LRP1B: variants seen among roughly 807,000 people sequenced by gnomAD.
LRP1B encodes the protein low-density lipoprotein receptor-related protein 1B.
Under a neutral mutation model 556.6 loss-of-function variants are expected in LRP1B, and 217 were observed. The ratio of observed to expected loss-of-function variants is 0.39; its 90% CI spans 0.35 to 0.44. The LOEUF is 0.44. Ranked by LOEUF, LRP1B falls within the 20% of genes least tolerant of loss-of-function variation. The pLI is 1.00. For missense variants in LRP1B, 5,053 were observed against 5,620.8 expected (o/e 0.90, Z 3.23); for synonymous variants, 2,047 against 1,865.8 (o/e 1.10, Z -2.50).
chr2:141,747,529 C>T (rs896124282), intron 2 of LRP1B, among the ~76,000 whole-genome samples: 34 of 152,092 alleles, frequency 2.2e-4, no homozygotes, highest in African/African-American at 1.4e-4. Context: ...CCTAGCTACT[C>T]AGGAGGCTGA....
intron 27 of LRP1B, among the ~76,000 whole-genome samples, chr2:140,852,388 A>G (rs577188472): frequency 6.6e-6 from 1 of 152,350 alleles, no homozygotes; most frequent in South Asian, 2.1e-4. Context: ...AGGAGCAACC[A>G]GGAATAATTA....
At chr2:140,723,208 G>A (rs929125554) in intron 35 of LRP1B, among the ~76,000 whole-genome samples, 1 of 152,100 alleles carries the variant, frequency 6.6e-6, no homozygotes, top group South Asian at 2.1e-4. Context: ...TTTTGGGTCA[G>A]TTCTCATGAA....
intron 1 of LRP1B, among the ~76,000 whole-genome samples, chr2:141,962,713 G>T (rs1001829459): frequency 1.3e-5 from 2 of 151,790 alleles, no homozygotes; most frequent in African/African-American, 2.4e-5. Context: ...AGCTGTAAAA[G>T]TATCTAATAA....
rs977321974 is a variant in LRP1B, at chr2:140,503,097, C to G, written c.8528G>C (p.Arg2843Pro). 1 of 1,612,622 alleles carries G rather than the reference C, an allele frequency of 6.2e-7. No individual in the cohort carries two copies. Among genetic ancestry groups the G allele is most frequent in the African/African-American group, 1.3e-5 (1 of 74,870 alleles). Residue 2843 changes from arginine (R) to proline (P), a missense_variant, in exon 54 of 91, where the codon CGA (arginine) becomes CCA (proline). Physicochemically the swap from Arg to Pro is moderately radical, Grantham distance 103. This residue lies in a region of LRP1B where 3,619 missense variants were observed against 3,931.9 expected (regional missense o/e 0.92). Transcript: ENST00000389484. Reference protein sequence around the residue: ...GSDESPQCGYRQCGTEEFSCA... With the variant: ...GSDESPQCGYPQCGTEEFSCA... Reference sequence around the variant, plus strand: ...ACTAAATTCTTCTGTACCACACTGTCGATATCCTAGAGACGCAGAAAAAAC... The same window carrying G: ...ACTAAATTCTTCTGTACCACACTGTGGATATCCTAGAGACGCAGAAAAAAC...
intron 1 of LRP1B, among the ~76,000 whole-genome samples, chr2:141,966,057 C>T (rs1351664366): frequency 1.3e-5 from 2 of 151,802 alleles, no homozygotes; most frequent in Non-Finnish European, 2.9e-5. Context: ...TGAGTCTTAA[C>T]TCTTTTTCAA....
At chr2:141,866,952 G>T (rs566490105) in intron 1 of LRP1B, among the ~76,000 whole-genome samples, 1 of 152,124 alleles carries the variant, frequency 6.6e-6, no homozygotes, top group Non-Finnish European at 1.5e-5. Flanking sequence ...CAGAGTTTTT[G>T]CCATGTCAGT....
chr2:141,801,402 C>T (rs1696001153), intron 2 of LRP1B, among the ~76,000 whole-genome samples: 1 of 152,050 alleles, frequency 6.6e-6, no homozygotes, highest in South Asian at 2.1e-4. Context: ...AATCCTCTTG[C>T]CTTGGCTTCC....
At chr2:141,083,614 C>T (rs1017470689) in intron 7 of LRP1B, among the ~76,000 whole-genome samples, 9 of 152,112 alleles carry the variant, frequency 5.9e-5, no homozygotes, top group Non-Finnish European at 1.3e-4. Context: ...GTGATTGGGT[C>T]ATAAGAGCTC....
chr2:141,379,085 CAGAA>C (rs1185376811), intron 3 of LRP1B, among the ~76,000 whole-genome samples: 2 of 151,974 alleles, frequency 1.3e-5, no homozygotes, highest in African/African-American at 4.8e-5. Context: ...TGTCAATAGC[CAGAA>C]AGAAAGAGGA....
At chr2:141,126,098 C>T (rs1024434245) in intron 7 of LRP1B, among the ~76,000 whole-genome samples, 12 of 151,058 alleles carry the variant, frequency 7.9e-5, no homozygotes, top group Admixed American at 6.6e-5. Flanking sequence ...ATGGCAAGAT[C>T]TCAGCTCACT....
chr2:140,833,031 G>C (rs898036197), intron 31 of LRP1B, among the ~76,000 whole-genome samples: 5 of 152,136 alleles, frequency 3.3e-5, no homozygotes, highest in African/African-American at 1.2e-4. Context: ...GTTAGAAAAA[G>C]ATTGTCCCAA....
chr2:141,597,769 A>G (rs1017634449), intron 2 of LRP1B, among the ~76,000 whole-genome samples: 5 of 152,070 alleles, frequency 3.3e-5, no homozygotes, highest in African/African-American at 1.2e-4. Context: ...GTTTTTCAAT[A>G]CAGTGGAGAT....
At chr2:141,407,158 C>A (rs1373620507) in intron 3 of LRP1B, among the ~76,000 whole-genome samples, 1 of 151,992 alleles carries the variant, frequency 6.6e-6, no homozygotes, top group Non-Finnish European at 1.5e-5. Flanking sequence ...GTGAGGGATG[C>A]TACTCTTGGT....
At chr2:140,420,979 GGC>G (rs61111706) in intron 66 of LRP1B, among the ~76,000 whole-genome samples, 42,228 of 151,832 alleles carry the variant, frequency 0.28, 5,995 homozygotes, top group East Asian at 0.46. Flanking sequence ...TCCTGGGCTG[GGC>G]ACAGTGTCTC....
chr2:141,850,308 G>T (rs1314304685), intron 1 of LRP1B, among the ~76,000 whole-genome samples: 3 of 151,524 alleles, frequency 2.0e-5, no homozygotes, highest in African/African-American at 7.3e-5. Context: ...GATCCTGGTT[G>T]ATTTAAAGCT....
intron 15 of LRP1B, among the ~76,000 whole-genome samples, chr2:141,004,617 C>A (rs1193981540): frequency 2.0e-5 from 3 of 151,924 alleles, no homozygotes; most frequent in Non-Finnish European, 2.9e-5. Context: ...AATAAATCTT[C>A]TCTCTATGTA....
At position 142,077,532 on chromosome 2, in the gene LRP1B, G is replaced by T. The variant is rs1208262248; in HGVS notation, c.82+53116C>A. Among the ~76,000 whole-genome samples the T allele has an allele frequency of 5.3e-5, 8 of 152,194 alleles. No individual in the cohort carries two copies. In the East Asian group the frequency reaches 1.5e-3, roughly 29 times the overall value. On this transcript the variant is annotated intron_variant, in intron 1 of 90. Coordinates refer to ENST00000389484, the MANE Select transcript of LRP1B (RefSeq NM_018557.3). ...TATTTATGAACAAAAATGTCTATTA[G>T]TAAGAATAGAGCCTCCATTCATAGT... is the stretch of plus-strand genomic sequence containing the variant.
intron 2 of LRP1B, among the ~76,000 whole-genome samples, chr2:141,652,864 T>G (rs1689851395): frequency 6.6e-6 from 1 of 152,172 alleles, no homozygotes; most frequent in Admixed American, 6.5e-5. Flanking sequence ...CTACCTCTTG[T>G]CATATATAAG....
Position 142,011,580 on chromosome 2 carries a change from G to T in LRP1B, c.82+119068C>A, listed in dbSNP as rs140656803. Reference sequence around the variant, plus strand: ...ATACCTCTTTCCACCATAGGAGACTGCATGCTTTCTGCTAAATAGTTTAAA... The same window carrying T: ...ATACCTCTTTCCACCATAGGAGACTTCATGCTTTCTGCTAAATAGTTTAAA... On this transcript the variant is annotated intron_variant, in intron 1 of 90. Transcript: ENST00000389484. Among the ~76,000 whole-genome samples, 209 of 152,256 alleles carry T rather than the reference G, an allele frequency of 1.4e-3. 1 individual carries two copies. Among genetic ancestry groups the T allele is most frequent in the African/African-American group, 5.0e-3 (206 of 41,556 alleles).
Sources: allele counts gnomAD v4.1 joint callset (sites outside exome capture counted in the v4.1 genomes callset), GRCh38; gene constraint gnomAD v4.1.1; regional missense constraint gnomAD v4.1.1; transcripts MANE v1.5; gene names NCBI Gene and HGNC (gene_info 2026-07-23, HGNC 2026-07-21).